Variants in SLC30A6 observed in about 807,000 individuals in gnomAD.
SLC30A6 encodes the protein zinc transporter 6.
In SLC30A6, 55 loss-of-function variants were observed where a neutral mutation model predicts 63.0. The ratio of observed to expected loss-of-function variants is 0.87; its 90% CI spans 0.70 to 1.09. The LOEUF is 1.09. Among genes scored for constraint, SLC30A6 ranks in the 50% least tolerant of loss-of-function variants. SLC30A6 has a pLI of 0.00. For synonymous variants in SLC30A6, 224 were observed against 186.1 expected (o/e 1.20, Z -1.66); for missense variants, 587 against 549.2 (o/e 1.07, Z -0.69).
At chr2:32,197,235 GTTA>G (rs1243518062) in intron 8 of SLC30A6, 106 bp from the exon 9 acceptor site, 3 of 914,150 alleles carry the variant, frequency 3.3e-6, no homozygotes, top group Non-Finnish European at 5.0e-6. Context: ...CTTTTGTAAT[GTTA>G]TTCAGTCACT....
At chr2:32,187,698 T>C (rs1268102250) in intron 5 of SLC30A6, among the ~76,000 whole-genome samples, 1 of 152,204 alleles carries the variant, frequency 6.6e-6, no homozygotes, top group Non-Finnish European at 1.5e-5. Context: ...AAAAAATTCT[T>C]GGTTTCTTCC....
At chr2:32,208,020 G>A (rs964703577) in intron 12 of SLC30A6, among the ~76,000 whole-genome samples, 3 of 151,214 alleles carry the variant, frequency 2.0e-5, no homozygotes, top group African/African-American at 7.3e-5. Flanking sequence ...TTTTAGTAGA[G>A]ACGGGGTTTC....
intron 4 of SLC30A6, among the ~76,000 whole-genome samples, chr2:32,179,698 A>AT (rs1315723488): frequency 6.6e-6 from 1 of 152,208 alleles, no homozygotes; most frequent in African/African-American, 2.4e-5. Context: ...AACAGTGTAT[A>AT]TAGTATGCTG....
At chr2:32,168,063 C>T (rs913938814) in intron 1 of SLC30A6, among the ~76,000 whole-genome samples, 3 of 152,144 alleles carry the variant, frequency 2.0e-5, no homozygotes, top group Non-Finnish European at 2.9e-5. Context: ...ACACTGAAAA[C>T]TTATGGCACT....
chr2:32,167,401 T>A (rs866684463), intron 1 of SLC30A6, among the ~76,000 whole-genome samples: 16 of 134,334 alleles, frequency 1.2e-4, no homozygotes, highest in South Asian at 4.7e-4. Flanking sequence ...TTTTTTTTTT[T>A]AATGCATACA....
chr2:32,193,704 A>C (rs1683537845), intron 7 of SLC30A6, among the ~76,000 whole-genome samples, 185 bp from the exon 8 acceptor site: 1 of 152,208 alleles, frequency 6.6e-6, no homozygotes, highest in African/African-American at 2.4e-5. Flanking sequence ...TGTAAGATGG[A>C]GCAACAGTAG....
intron 1 of SLC30A6, among the ~76,000 whole-genome samples, chr2:32,169,719 T>G (rs1238831350): frequency 6.6e-6 from 1 of 152,186 alleles, no homozygotes; most frequent in Non-Finnish European, 1.5e-5. Flanking sequence ...CTGTTTGCCG[T>G]GTAGCCTATA....
At chr2:32,182,084 C>G (rs1168811817) in intron 4 of SLC30A6, among the ~76,000 whole-genome samples, 1 of 151,736 alleles carries the variant, frequency 6.6e-6, no homozygotes, top group East Asian at 1.9e-4. Context: ...CAGGTGTTCA[C>G]CACCACACCT....
chr2:32,170,575 A>C (rs1347368406), intron 1 of SLC30A6, among the ~76,000 whole-genome samples: 1 of 152,194 alleles, frequency 6.6e-6, no homozygotes, highest in African/African-American at 2.4e-5. Flanking sequence ...AGAGAATCTC[A>C]GGGGTTTTAC....
rs34666891 is a variant in SLC30A6 at position 32,207,692 on chromosome 2, ATTTTTTTTTTT to A, written c.816+773_816+783del. ...CCTGGCCCGCCCAACTAACTTCTGT[ATTTTTTTTTTT>A]TTTTTTTTTTTTTCTGAGATGGAGT... On this transcript the variant is annotated intron_variant, in intron 12 of 13. Coordinates refer to ENST00000282587, the MANE Select transcript of SLC30A6 (RefSeq NM_017964.5). 7.3e-5 allele frequency among the ~76,000 whole-genome samples: 4 copies of A among 54,436 alleles called. 1 individual carries two copies. The highest frequency in any genetic ancestry group is 7.9e-5 in the African/African-American group (1 of 12,616). 35.7% of individuals were successfully genotyped at this position (54,436 alleles called of 152,430 possible).
intron 7 of SLC30A6, among the ~76,000 whole-genome samples, chr2:32,193,611 A>G (rs974988727): frequency 6.6e-6 from 1 of 152,172 alleles, no homozygotes; most frequent in African/African-American, 2.4e-5. Context: ...CGTAAAACAA[A>G]TACCATTGAT....
chr2:32,175,453 AC>A, intron 4 of SLC30A6, 92 bp downstream of exon 4: 1 of 1,030,264 alleles, frequency 9.7e-7, no homozygotes. Context: ...AAAAACAGCA[AC>A]TACTGATATC....
chr2:32,218,801 C>G (rs1573444463), intron 13 of SLC30A6, among the ~76,000 whole-genome samples: 1 of 152,172 alleles, frequency 6.6e-6, no homozygotes, highest in East Asian at 1.9e-4. Flanking sequence ...AGGTGATCCA[C>G]CTGCCTTGGC....
chr2:32,192,951 C>T lies in SLC30A6; in HGVS notation c.399C>T (p.His133=), dbSNP rs919442574. 7 of 1,509,952 alleles carry T rather than the reference C, an allele frequency of 4.6e-6. No homozygotes were observed. The highest frequency in any genetic ancestry group is 2.4e-5 in the East Asian group (1 of 41,784). 93.5% of individuals were successfully genotyped at this position (1,509,952 alleles called of 1,614,324 possible). A position where few individuals can be genotyped will look rare whatever the true frequency, so the allele number is the denominator to read the frequency against. ...GCTTTTTGGAACAGCCCGAGATACACACGTGAGATTTTATTTTCAATATAT... is the reference window on the plus strand; with the variant it reads ...GCTTTTTGGAACAGCCCGAGATACATACGTGAGATTTTATTTTCAATATAT... ...AERFLEQPEI[H]TGRLLVGTFV... The change falls in exon 7 of 14, where the codon CAC becomes CAT. Residue 133 remains histidine (H), a splice_region_variant and synonymous_variant. Transcript: ENST00000282587.
At chr2:32,171,432 G>C (rs1050715788) in intron 2 of SLC30A6, 59 bp downstream of exon 2, 19 of 1,372,644 alleles carry the variant, frequency 1.4e-5, no homozygotes, top group Non-Finnish European at 1.9e-5. Context: ...TAACATTGAA[G>C]AAAGATAATT....
Position 32,201,691 on chromosome 2 carries a change from T to C in SLC30A6, c.666-2899T>C, listed in dbSNP as rs1419069033. 2.7e-6 allele frequency: 4 copies of C among 1,454,560 alleles called. No individual in the cohort carries two copies. In the African/African-American group the frequency reaches 4.2e-5, roughly 15 times the overall value. The allele number at this position is 1,454,560 out of a possible 1,614,324, so 90.1% of individuals were successfully genotyped here. A position where few individuals can be genotyped will look rare whatever the true frequency, so the allele number is the denominator to read the frequency against. The stretch of plus-strand genomic sequence containing the variant: ...CAGAAGAAGGAGAGGCAGAAGAGCT[T>C]TATGGATATCACAGTTTCGGCTAAT... On this transcript the variant is annotated intron_variant, in intron 10 of 13. Transcript: ENST00000282587.
At position 32,191,938 on chromosome 2, in the gene SLC30A6, C is replaced by A. The variant is rs148950310; in HGVS notation, c.285-398C>A. Among the ~76,000 whole-genome samples, 1,458 of 151,948 alleles carry A rather than the reference C, an allele frequency of 9.6e-3. 26 individuals are homozygous for A. Among genetic ancestry groups the A allele is most frequent in the South Asian group, 0.048 (231 of 4,804 alleles). On this transcript the variant is annotated intron_variant, in intron 5 of 13. Transcript: ENST00000282587. ...GGTTTAGATGAGGTAATATGTTAAGCACTCTGGTGTCTAACGCACAGTGGG... is the reference window on the plus strand; with the variant it reads ...GGTTTAGATGAGGTAATATGTTAAGAACTCTGGTGTCTAACGCACAGTGGG...
At chr2:32,203,640 T>A in intron 10 of SLC30A6, 1 of 1,569,492 alleles carries the variant, frequency 6.4e-7, no homozygotes, top group Non-Finnish European at 8.8e-7. Context: ...AGCTGAGTAG[T>A]AATGCAGTGT....
intron 10 of SLC30A6, chr2:32,201,674 GGA>G: frequency 6.7e-7 from 1 of 1,497,342 alleles, no homozygotes; most frequent in East Asian, 2.4e-5. Flanking sequence ...GCCAGAAGAA[GGA>G]GAGGCAGAAG....
Sources: gnomAD v4.1 joint callset for allele counts (sites outside exome capture counted in the v4.1 genomes callset) on GRCh38, gnomAD v4.1.1 for gene constraint, MANE v1.5 for transcripts, NCBI Gene and HGNC (gene_info 2026-07-23, HGNC 2026-07-21) for gene names.